The following NUFIP1 variants were observed in gnomAD, a reference collection of about 807,000 sequenced individuals.
NUFIP1 encodes the protein FMR1-interacting protein NUFIP1.
A neutral mutation model predicts 56.2 loss-of-function variants in NUFIP1; 38 were observed. That is an observed-to-expected ratio of 0.68 (90% CI 0.52 to 0.89). The LOEUF is 0.89. NUFIP1 is among the 40% of genes least tolerant of loss of function. The pLI, the probability that NUFIP1 is intolerant of heterozygous loss-of-function variation, is 0.00. For synonymous variants in NUFIP1, 215 were observed against 212.4 expected (o/e 1.01, Z -0.10); for missense variants, 567 against 605.8 (o/e 0.94, Z 0.67).
intron 1 of NUFIP1, among the ~76,000 whole-genome samples, chr13:44,988,093 T>C (rs927535923): frequency 8.5e-5 from 13 of 152,238 alleles, no homozygotes; most frequent in African/African-American, 3.1e-4. Context: ...CGCTCATATG[T>C]CACCTTCCTT....
intron 2 of NUFIP1, among the ~76,000 whole-genome samples, 195 bp from the exon 3 acceptor site, chr13:44,981,015 T>A (rs1003954576): frequency 6.6e-6 from 1 of 152,238 alleles, no homozygotes; most frequent in Admixed American, 6.5e-5. Context: ...ACAAATATAT[T>A]AGTGAAACCC....
chr13:44,961,981 G>A (rs1871440110), intron 6 of NUFIP1, among the ~76,000 whole-genome samples: 1 of 152,068 alleles, frequency 6.6e-6, no homozygotes, highest in African/African-American at 2.4e-5. Context: ...ACCACGACTT[G>A]ACAATCATTT....
At chr13:44,974,724 T>C (rs1200989360) in intron 5 of NUFIP1, among the ~76,000 whole-genome samples, 1 of 152,212 alleles carries the variant, frequency 6.6e-6, no homozygotes, top group African/African-American at 2.4e-5. Flanking sequence ...GCTAACTTTT[T>C]ATTTTTGTAG....
chr13:44,955,769 T>G (rs542597651), intron 7 of NUFIP1, among the ~76,000 whole-genome samples: 1 of 151,878 alleles, frequency 6.6e-6, no homozygotes, highest in African/African-American at 2.4e-5. Flanking sequence ...TGGGCCGCAT[T>G]GGAAGAACTG....
At chr13:44,980,649 G>A (rs1430930405) in intron 3 of NUFIP1, 73 bp downstream of exon 3, 8 of 1,002,668 alleles carry the variant, frequency 8.0e-6, no homozygotes, top group Non-Finnish European at 9.1e-6. Flanking sequence ...AACAAGCTTG[G>A]CATTTCTACC....
At chr13:44,980,531 C>T (rs530830198) in intron 3 of NUFIP1, among the ~76,000 whole-genome samples, 191 bp downstream of exon 3, 1 of 152,314 alleles carries the variant, frequency 6.6e-6, no homozygotes, top group Non-Finnish European at 1.5e-5. Context: ...TACCATCTTA[C>T]CTCGTCCCTG....
chr13:44,977,692 T>C (rs1872030872), intron 5 of NUFIP1, among the ~76,000 whole-genome samples: 1 of 152,220 alleles, frequency 6.6e-6, no homozygotes, highest in Non-Finnish European at 1.5e-5. Context: ...CCACAGATGC[T>C]CTTGAAATGC....
At chr13:44,982,031 T>A in intron 2 of NUFIP1, 41 bp downstream of exon 2, 1 of 1,106,668 alleles carries the variant, frequency 9.0e-7, no homozygotes, top group South Asian at 2.1e-5. Flanking sequence ...AACAGTAACA[T>A]AGGGACCAAG....
At chr13:44,957,233 C>A (rs1264626540) in intron 7 of NUFIP1, among the ~76,000 whole-genome samples, 2 of 152,006 alleles carry the variant, frequency 1.3e-5, no homozygotes, top group Non-Finnish European at 2.9e-5. Context: ...TTTTTTGAGA[C>A]CGAGTTTTGC....
chr13:44,963,775 AT>A (rs888684067), intron 6 of NUFIP1, among the ~76,000 whole-genome samples: 5 of 152,114 alleles, frequency 3.3e-5, no homozygotes, highest in African/African-American at 1.2e-4. Flanking sequence ...TTTGTATAGG[AT>A]TTTTGTCTCT....
intron 2 of NUFIP1, among the ~76,000 whole-genome samples, chr13:44,981,858 A>G (rs947103538): frequency 6.6e-6 from 1 of 152,200 alleles, no homozygotes; most frequent in African/African-American, 2.4e-5. Context: ...ATCTATTTCT[A>G]AAACCACAGA....
At chr13:44,986,481 G>A (rs1872395294) in intron 1 of NUFIP1, among the ~76,000 whole-genome samples, 1 of 152,042 alleles carries the variant, frequency 6.6e-6, no homozygotes, top group East Asian at 1.9e-4. Context: ...CACGAGGTCA[G>A]GCGATCGAGA....
chr13:44,982,948 C>T (rs138903476), intron 1 of NUFIP1, among the ~76,000 whole-genome samples: 1 of 152,238 alleles, frequency 6.6e-6, no homozygotes, highest in African/African-American at 2.4e-5. Context: ...TTTGAGGCTG[C>T]AGTAAGCTAT....
In NUFIP1 at chr13:44,989,446, G is replaced by T. The variant is rs199623958; in HGVS notation, c.-10C>A. 16 of 1,611,732 alleles carry T rather than the reference G, an allele frequency of 9.9e-6. No individual in the cohort carries two copies. In the South Asian group the frequency reaches 1.7e-4, roughly 17 times the overall value. On this transcript the variant is annotated 5_prime_UTR_variant, in exon 1 of 10. Coordinates refer to ENST00000379161, the MANE Select transcript of NUFIP1 (RefSeq NM_012345.3). ...TAGTCGGCTCAGCCATACCACTGGC[G>T]GGTCCGGAGTCTAGCACGCGACTGT...
chr13:44,980,934 G>A (rs1003424219), intron 2 of NUFIP1, 114 bp from the exon 3 acceptor site: 29 of 604,630 alleles, frequency 4.8e-5, no homozygotes, highest in Non-Finnish European at 6.8e-5. Flanking sequence ...TAACCCTTTC[G>A]TGTGGGAGAA....
intron 5 of NUFIP1, among the ~76,000 whole-genome samples, chr13:44,966,643 A>G (rs1344903048): frequency 6.6e-6 from 1 of 152,100 alleles, no homozygotes; most frequent in Non-Finnish European, 1.5e-5. Context: ...ATGCAAATAC[A>G]TGCTAGGTAT....
intron 6 of NUFIP1, among the ~76,000 whole-genome samples, chr13:44,965,453 T>C (rs1871564803): frequency 1.3e-5 from 2 of 152,328 alleles, no homozygotes; most frequent in African/African-American, 2.4e-5. Flanking sequence ...CCCATCACTT[T>C]GGGAGGCCAA....
intron 1 of NUFIP1, among the ~76,000 whole-genome samples, chr13:44,985,572 T>G (rs1056199444): frequency 1.3e-5 from 2 of 152,214 alleles, no homozygotes; most frequent in African/African-American, 4.8e-5. Flanking sequence ...TCTCGAAATA[T>G]TTCAAACTTT....
In NUFIP1 at chr13:44,949,771, T is replaced by A. The variant is rs763991029; in HGVS notation, c.1089A>T (p.Ser363=). 5 of 1,613,834 alleles carry A rather than the reference T, an allele frequency of 3.1e-6. No homozygotes were observed. In the African/African-American group the frequency reaches 6.7e-5, roughly 22 times the overall value. ...AAAGACTGCCATAGCTACTCATTAG[T>A]GAGCATAGGGCTGGTGTCACTTCCT... ...IPKEVTPALC[S]LMSSYGSLSG... is the part of the protein sequence containing the mutation. The change falls in exon 8 of 10, where the codon TCA becomes TCT. Residue 363 remains serine (S), a synonymous_variant. Coordinates refer to ENST00000379161, the MANE Select transcript of NUFIP1 (RefSeq NM_012345.3).
Sources: allele counts gnomAD v4.1 joint callset (sites outside exome capture counted in the v4.1 genomes callset), GRCh38; gene constraint gnomAD v4.1.1; transcripts MANE v1.5; gene names NCBI Gene and HGNC (gene_info 2026-07-23, HGNC 2026-07-21).